Variants in ANO10 observed in about 807,000 individuals in gnomAD.
The protein encoded by ANO10 is anoctamin-10.
ANO10 carries 77 observed loss-of-function variants against 74.7 expected under a neutral mutation model. That is an observed-to-expected ratio of 1.03 (90% CI 0.86 to 1.25). The LOEUF is 1.25. Among genes scored for constraint, ANO10 ranks in the 50% most tolerant of loss-of-function variants. The pLI is 0.00. For missense variants in ANO10, 721 were observed against 778.1 expected, an observed-to-expected ratio of 0.93 and a Z score of 0.87; for synonymous variants, 279 against 284.9, an observed-to-expected ratio of 0.98 and a Z score of 0.21.
At chr3:43,406,038 C>T (rs1403469489) in intron 12 of ANO10, among the ~76,000 whole-genome samples, 3 of 152,114 alleles carry the variant, frequency 2.0e-5, no homozygotes, top group Admixed American at 1.3e-4. Flanking sequence ...AAATCATCAC[C>T]CCAGAGCTGG....
chr3:43,403,090 A>AT (rs1370497643), intron 12 of ANO10, among the ~76,000 whole-genome samples: 10 of 152,080 alleles, frequency 6.6e-5, no homozygotes, highest in African/African-American at 2.2e-4. Context: ...CTGTTAGATT[A>AT]TTTTTTCTTC....
chr3:43,494,277 A>C (rs561275497), intron 11 of ANO10, among the ~76,000 whole-genome samples: 1 of 152,236 alleles, frequency 6.6e-6, no homozygotes, highest in East Asian at 1.9e-4. Flanking sequence ...AACATGGTGA[A>C]ACCCCGTCTG....
chr3:43,494,769 TGTAATAA>T (rs2076855618), intron 11 of ANO10, among the ~76,000 whole-genome samples: 2 of 152,106 alleles, frequency 1.3e-5, no homozygotes, highest in South Asian at 4.1e-4. Context: ...TTGAAGGATA[TGTAATAA>T]GTCATTGACA....
chr3:43,588,719 C>T lies in ANO10; in HGVS notation c.473-8247G>A, dbSNP rs533844647. Among the ~76,000 whole-genome samples the T allele has an allele frequency of 2.6e-4, 40 of 152,054 alleles. 1 individual carries two copies. Among genetic ancestry groups the T allele is most frequent in the Non-Finnish European group, 4.4e-4 (30 of 68,014 alleles). ...GCAAACTAAAATAAGGCAAGAACCACAAGACAAGGCTGAATTCAGCAACAA... is the reference window on the plus strand; with the variant it reads ...GCAAACTAAAATAAGGCAAGAACCATAAGACAAGGCTGAATTCAGCAACAA... On this transcript the variant is annotated intron_variant, in intron 4 of 12. Transcript: ENST00000292246.
intron 11 of ANO10, among the ~76,000 whole-genome samples, chr3:43,445,646 C>T (rs1488748884): frequency 6.6e-6 from 1 of 152,056 alleles, no homozygotes; most frequent in South Asian, 2.1e-4. Context: ...AAATCTATGA[C>T]CATGTTTCCT....
At chr3:43,552,697 GATATATATAT>G (rs57438732) in intron 10 of ANO10, among the ~76,000 whole-genome samples, 1,445 of 124,468 alleles carry the variant, frequency 0.012, 12 homozygotes, top group South Asian at 0.032. Flanking sequence ...ATTATCTCTG[GATATATATAT>G]ATATATATAT....
At chr3:43,670,696 A>G (rs761227145) in intron 1 of ANO10, among the ~76,000 whole-genome samples, 1 of 152,174 alleles carries the variant, frequency 6.6e-6, no homozygotes, top group Non-Finnish European at 1.5e-5. Flanking sequence ...ATGGAACTGG[A>G]TGGTGACATT....
chr3:43,410,434 A>AT (rs947147234), intron 12 of ANO10, among the ~76,000 whole-genome samples: 6 of 152,052 alleles, frequency 3.9e-5, no homozygotes, highest in Non-Finnish European at 8.8e-5. Flanking sequence ...GTGATTTTAA[A>AT]TGTCCTATTA....
chr3:43,568,793 AAC>A (rs1230306153), intron 7 of ANO10, among the ~76,000 whole-genome samples: 1 of 145,074 alleles, frequency 6.9e-6, no homozygotes, highest in African/African-American at 2.6e-5. Context: ...AGCAAGAGCA[AAC>A]ACATTCAAAA....
intron 11 of ANO10, among the ~76,000 whole-genome samples, chr3:43,513,752 C>T (rs921615563): frequency 4.6e-5 from 7 of 152,044 alleles, no homozygotes; most frequent in South Asian, 4.1e-4. Flanking sequence ...CCTTGTGATC[C>T]GCCTGCCTTG....
At chr3:43,540,325 A>G (rs1038208479) in intron 11 of ANO10, among the ~76,000 whole-genome samples, 3 of 152,236 alleles carry the variant, frequency 2.0e-5, no homozygotes, top group Admixed American at 6.5e-5. Context: ...AATAACACCT[A>G]TAAGACAATG....
intron 9 of ANO10, among the ~76,000 whole-genome samples, chr3:43,559,034 G>C (rs1164298308): frequency 6.6e-6 from 1 of 152,174 alleles, no homozygotes; most frequent in East Asian, 1.9e-4. Flanking sequence ...GAAAGATTCT[G>C]AATTGGGAAG....
intron 11 of ANO10, among the ~76,000 whole-genome samples, chr3:43,532,524 TA>T (rs558196156): frequency 6.6e-6 from 1 of 152,318 alleles, no homozygotes; most frequent in South Asian, 2.1e-4. Context: ...GATGTATCTT[TA>T]TTTGCAGAGA....
intron 11 of ANO10, among the ~76,000 whole-genome samples, chr3:43,483,437 T>C (rs1354840830): frequency 2.9e-4 from 44 of 152,344 alleles, no homozygotes; most frequent in Non-Finnish European, 1.3e-4. Flanking sequence ...TAACAGTTCA[T>C]GTCCATGCCT....
chr3:43,419,216 T>G (rs1236267390), intron 12 of ANO10, among the ~76,000 whole-genome samples: 3 of 152,240 alleles, frequency 2.0e-5, no homozygotes, highest in Non-Finnish European at 4.4e-5. Context: ...TGTTGTTTAA[T>G]GACCTGGCCT....
intron 11 of ANO10, 126 bp from the exon 12 acceptor site, chr3:43,432,853 T>C (rs1020250371): frequency 1.9e-5 from 14 of 727,832 alleles, no homozygotes; most frequent in African/African-American, 3.5e-5. Flanking sequence ...TATTGGCCTG[T>C]GAAGTATCAA....
chr3:43,459,195 C>A (rs1401109894), intron 11 of ANO10, among the ~76,000 whole-genome samples: 3 of 152,042 alleles, frequency 2.0e-5, no homozygotes, highest in African/African-American at 7.2e-5. Flanking sequence ...ACCACCACCA[C>A]CCCACCTCCT....
intron 12 of ANO10, among the ~76,000 whole-genome samples, chr3:43,416,437 A>G (rs951356394): frequency 6.6e-6 from 1 of 152,244 alleles, no homozygotes; most frequent in Non-Finnish European, 1.5e-5. Flanking sequence ...AAAAATAAAA[A>G]TACAAAACTC....
chr3:43,591,825 G>T (rs1211187203), intron 4 of ANO10, among the ~76,000 whole-genome samples: 1 of 152,198 alleles, frequency 6.6e-6, no homozygotes, highest in Non-Finnish European at 1.5e-5. Flanking sequence ...AAGCACAAGG[G>T]GTCGGGGAAT....
Sources: allele counts gnomAD v4.1 joint callset (sites outside exome capture counted in the v4.1 genomes callset), GRCh38; gene constraint gnomAD v4.1.1; transcripts MANE v1.5; gene names NCBI Gene and HGNC (gene_info 2026-07-23, HGNC 2026-07-21).